Variants in CHODL observed in about 807,000 individuals in gnomAD.
The protein encoded by CHODL is transmembrane protein MT75.
CHODL carries 29 observed loss-of-function variants against 34.5 expected under a neutral mutation model. The observed-to-expected ratio is 0.84, with a 90% confidence interval of 0.63 to 1.15. The LOEUF is 1.15. CHODL is among the 50% of genes most tolerant of loss of function. The pLI, the probability that CHODL is intolerant of heterozygous loss-of-function variation, is 0.00. For synonymous variants in CHODL, 125 were observed against 116.1 expected, an observed-to-expected ratio of 1.08 and a Z score of -0.49; for missense variants, 332 against 332.5, an observed-to-expected ratio of 1.00 and a Z score of 0.01.
chr21:18,128,076 G>A (rs1321321560), intron 2 of CHODL, among the ~76,000 whole-genome samples: 2 of 151,502 alleles, frequency 1.3e-5, no homozygotes, highest in Admixed American at 6.6e-5. Flanking sequence ...GGAGGTGGGC[G>A]GATCACGAGG....
chr21:18,167,268 A>G (rs1418653370), intron 2 of CHODL, among the ~76,000 whole-genome samples: 15 of 128,350 alleles, frequency 1.2e-4, no homozygotes, highest in African/African-American at 4.0e-4. Flanking sequence ...TTTTGGAAGA[A>G]GGGGCAGGAA....
chr21:18,122,392 G>T (rs964775714), intron 2 of CHODL, among the ~76,000 whole-genome samples: 3 of 152,106 alleles, frequency 2.0e-5, no homozygotes, highest in Admixed American at 2.0e-4. Flanking sequence ...ACTGAAGGAG[G>T]ATAATTAATT....
At chr21:18,083,586 C>T (rs538528214) in intron 2 of CHODL, among the ~76,000 whole-genome samples, 4 of 152,306 alleles carry the variant, frequency 2.6e-5, no homozygotes, top group African/African-American at 7.2e-5. Context: ...AAGCCACATG[C>T]GCAGAGCTTC....
At position 17,980,846 on chromosome 21, in the gene CHODL, CT is replaced by C. The variant is rs530441871; in HGVS notation, c.-144-47023del. 2.8e-3 allele frequency among the ~76,000 whole-genome samples: 426 copies of C among 152,266 alleles called. 2 individuals are homozygous for C. Among genetic ancestry groups the C allele is most frequent in the Non-Finnish European group, 2.0e-3 (136 of 68,012 alleles). ...GGGATGAGGATAGGAGAAAATTGTT[CT>C]TTCTCTGTTCCACTCTTCACTTTGA... On this transcript the variant is annotated intron_variant, in intron 1 of 6. Coordinates refer to the CHODL transcript ENST00000400127.
chr21:18,058,559 A>G (rs1210838454), intron 2 of CHODL, among the ~76,000 whole-genome samples: 1 of 152,206 alleles, frequency 6.6e-6, no homozygotes, highest in African/African-American at 2.4e-5. Context: ...CTTGGAGGAC[A>G]TTATGTCAAG....
chr21:18,092,194 G>A (rs956948208), intron 2 of CHODL, among the ~76,000 whole-genome samples: 16 of 150,532 alleles, frequency 1.1e-4, no homozygotes, highest in Admixed American at 1.0e-3. Context: ...AGAAAGTAAG[G>A]GGAAAAAAAA....
Position 18,055,663 on chromosome 21 carries a change from T to A in CHODL, c.-45+27692T>A, listed in dbSNP as rs555304983. Among the ~76,000 whole-genome samples the A allele has an allele frequency of 6.6e-5, 10 of 152,124 alleles. No individual in the cohort carries two copies. The South Asian group carries it at 1.9e-3, about 28-fold the overall frequency. ...AGGTTCTATGTCTATGAAAAAAATGTGGTCAGAGAGAGTGGGGCATTGTGT... is the reference window on the plus strand; with the variant it reads ...AGGTTCTATGTCTATGAAAAAAATGAGGTCAGAGAGAGTGGGGCATTGTGT... On this transcript the variant is annotated intron_variant, in intron 2 of 6. Transcript: ENST00000400127.
At chr21:18,033,684 G>A (rs762842073) in intron 2 of CHODL, among the ~76,000 whole-genome samples, 1 of 151,936 alleles carries the variant, frequency 6.6e-6, no homozygotes, top group Non-Finnish European at 1.5e-5. Flanking sequence ...TATGTTATGG[G>A]TATAGTAGGG....
chr21:18,070,308 C>T lies in CHODL; in HGVS notation c.-45+42337C>T, dbSNP rs189563539. Among the ~76,000 whole-genome samples, 934 of 152,014 alleles carry T rather than the reference C, an allele frequency of 6.1e-3. 8 individuals are homozygous for T. Among genetic ancestry groups the T allele is most frequent in the Non-Finnish European group, 7.0e-3 (479 of 67,970 alleles). On this transcript the variant is annotated intron_variant, in intron 2 of 6. Transcript: ENST00000400127. ...ATTAATGTATTGAGTCTACTTTGAGCTGCAACTTTGAAGACAAAAGAGCAA... is the reference window on the plus strand; with the variant it reads ...ATTAATGTATTGAGTCTACTTTGAGTTGCAACTTTGAAGACAAAAGAGCAA...
At chr21:18,227,299 A>G (rs2073939520) in intron 2 of CHODL, among the ~76,000 whole-genome samples, 1 of 152,188 alleles carries the variant, frequency 6.6e-6, no homozygotes, top group Non-Finnish European at 1.5e-5. Flanking sequence ...ATTGTCTTAA[A>G]TACTATAGAA....
intron 3 of CHODL, among the ~76,000 whole-genome samples, chr21:18,257,352 T>C (rs1242208566): frequency 6.6e-6 from 1 of 152,152 alleles, no homozygotes; most frequent in Non-Finnish European, 1.5e-5. Flanking sequence ...GCTGGAGAGA[T>C]GTCTTTAAGA....
chr21:18,189,322 T>C (rs566926552), intron 2 of CHODL, among the ~76,000 whole-genome samples: 65 of 151,044 alleles, frequency 4.3e-4, no homozygotes, highest in African/African-American at 1.6e-3. Flanking sequence ...AACTTAGAAT[T>C]GTACAAGCAA....
chr21:18,232,910 T>G (rs1162007792), intron 2 of CHODL, among the ~76,000 whole-genome samples: 1 of 143,010 alleles, frequency 7.0e-6, no homozygotes, highest in Admixed American at 7.0e-5. Flanking sequence ...ATTATAATGG[T>G]CCATATAATT....
At chr21:18,149,362 C>T (rs9653744) in intron 2 of CHODL, among the ~76,000 whole-genome samples, 2 of 152,196 alleles carry the variant, frequency 1.3e-5, no homozygotes, top group Admixed American at 6.5e-5. Flanking sequence ...GAGAAATACA[C>T]ACAATTGCTC....
chr21:18,210,540 G>T (rs1239853411), intron 2 of CHODL, among the ~76,000 whole-genome samples: 1 of 152,136 alleles, frequency 6.6e-6, no homozygotes, highest in Non-Finnish European at 1.5e-5. Context: ...AGGACAACTG[G>T]TGAAGTCTTG....
At chr21:18,050,241 G>GA (rs1232207048) in intron 2 of CHODL, among the ~76,000 whole-genome samples, 1 of 151,020 alleles carries the variant, frequency 6.6e-6, no homozygotes, top group Non-Finnish European at 1.5e-5. Context: ...AAGGGAGGCT[G>GA]AGGCACAACA....
At chr21:18,154,973 A>G (rs2146633496) in intron 2 of CHODL, among the ~76,000 whole-genome samples, 1 of 152,300 alleles carries the variant, frequency 6.6e-6, no homozygotes, top group South Asian at 2.1e-4. Context: ...CAAGGTCATC[A>G]CCATGTAGGG....
intron 2 of CHODL, among the ~76,000 whole-genome samples, chr21:18,186,002 G>A (rs2073436921): frequency 6.6e-6 from 1 of 152,086 alleles, no homozygotes; most frequent in African/African-American, 2.4e-5. Context: ...GGGTGAGGAG[G>A]ACAAGCACAT....
intron 2 of CHODL, among the ~76,000 whole-genome samples, chr21:18,035,246 T>C (rs1336156047): frequency 2.6e-5 from 4 of 152,018 alleles, no homozygotes. Flanking sequence ...TTTGGCTGGG[T>C]ATAGAACACC....
Sources: allele counts gnomAD v4.1 joint callset (sites outside exome capture counted in the v4.1 genomes callset), GRCh38; gene constraint gnomAD v4.1.1; transcripts MANE v1.5; gene names NCBI Gene and HGNC (gene_info 2026-07-23, HGNC 2026-07-21).